MORC1: variants seen among roughly 807,000 people sequenced by gnomAD.
MORC1 encodes MORC family CW-type zinc finger 1.
A neutral mutation model predicts 134.9 loss-of-function variants in MORC1; 59 were observed. The observed-to-expected ratio is 0.44, with a 90% CI of 0.35 to 0.54. MORC1 has a LOEUF of 0.54. MORC1 is among the 20% of genes least tolerant of loss of function. The probability of loss-of-function intolerance (pLI) is 0.00; values close to 1 mark genes in which losing one functional copy is unlikely to be tolerated. For synonymous variants in MORC1, 395 were observed against 391.7 expected, an observed-to-expected ratio of 1.01 and a Z score of -0.10; for missense variants, 947 against 1,134.5, an observed-to-expected ratio of 0.83 and a Z score of 2.37.
chr3:108,998,469 G>T (rs1392582452), intron 21 of MORC1, among the ~76,000 whole-genome samples: 1 of 152,096 alleles, frequency 6.6e-6, no homozygotes, highest in Non-Finnish European at 1.5e-5. Context: ...GGAGTCTTTT[G>T]TGGTAGCTAA....
At chr3:109,082,469 C>T (rs1950541596) in intron 8 of MORC1, among the ~76,000 whole-genome samples, 1 of 151,984 alleles carries the variant, frequency 6.6e-6, no homozygotes, top group Admixed American at 6.6e-5. Flanking sequence ...AGTGAAAAAG[C>T]AATATGTGAG....
At chr3:109,020,721 C>T (rs112726215) in intron 17 of MORC1, among the ~76,000 whole-genome samples, 6 of 148,618 alleles carry the variant, frequency 4.0e-5, no homozygotes, top group African/African-American at 1.5e-4. Context: ...GCCGAGTTTG[C>T]GTCACTGCAC....
chr3:108,963,703 T>G (rs1213370738), intron 26 of MORC1, 95 bp from the exon 27 acceptor site: 4 of 843,418 alleles, frequency 4.7e-6, no homozygotes, highest in African/African-American at 1.7e-5. Flanking sequence ...TCTGCCTACA[T>G]GTACCAAGTG....
At chr3:109,078,280 T>C (rs1950459842) in intron 8 of MORC1, among the ~76,000 whole-genome samples, 2 of 152,060 alleles carry the variant, frequency 1.3e-5, no homozygotes, top group Non-Finnish European at 2.9e-5. Flanking sequence ...AAAAAATGTT[T>C]AAGACATAAG....
intron 8 of MORC1, among the ~76,000 whole-genome samples, chr3:109,080,465 C>T (rs1394039670): frequency 6.6e-6 from 1 of 152,126 alleles, no homozygotes; most frequent in African/African-American, 2.4e-5. Flanking sequence ...CACAGCCAAA[C>T]TATCACCATA....
At chr3:108,978,412 G>T (rs904168718) in intron 24 of MORC1, among the ~76,000 whole-genome samples, 1 of 152,170 alleles carries the variant, frequency 6.6e-6, no homozygotes, top group Non-Finnish European at 1.5e-5. Flanking sequence ...CATGTAACCA[G>T]GAGTGCTTCC....
At chr3:108,991,132 C>A (rs1948048867) in intron 21 of MORC1, among the ~76,000 whole-genome samples, 1 of 152,142 alleles carries the variant, frequency 6.6e-6, no homozygotes, top group Admixed American at 6.5e-5. Context: ...AGGGCCACAG[C>A]AAAGTCACTG....
At chr3:109,005,653 T>C (rs1001073684) in intron 18 of MORC1, among the ~76,000 whole-genome samples, 17 of 152,226 alleles carry the variant, frequency 1.1e-4, no homozygotes, top group African/African-American at 3.9e-4. Context: ...TCGTCATCCC[T>C]ACCCACATTC....
intron 8 of MORC1, among the ~76,000 whole-genome samples, chr3:109,073,917 T>A (rs974834285): frequency 7.2e-5 from 11 of 152,154 alleles, no homozygotes; most frequent in East Asian, 3.8e-4. Context: ...GTAATTTTTT[T>A]AAAAAAGTTA....
rs766507817 is a variant in MORC1 at position 109,114,486 on chromosome 3, C to G, written c.66-49G>C. ...CAAAAAGTTAAACCAGGTGTGTAAT[C>G]AATGTAAAAGCTTTAAGATTCTTGC... On this transcript the variant is annotated intron_variant, in intron 1 of 27. Coordinates refer to ENST00000232603, the MANE Select transcript of MORC1 (RefSeq NM_014429.4). 4 of 1,511,170 alleles carry G rather than the reference C, an allele frequency of 2.6e-6. No individual in the cohort carries two copies. In the South Asian group the frequency reaches 3.5e-5, roughly 13 times the overall value. 93.6% of individuals were successfully genotyped at this position (1,511,170 alleles called of 1,614,324 possible).
At chr3:108,997,009 CAAAAAA>C (rs36087713) in intron 21 of MORC1, among the ~76,000 whole-genome samples, 1 of 31,542 alleles carries the variant, frequency 3.2e-5, no homozygotes, top group Admixed American at 5.6e-4. Context: ...GACTCTGTCT[CAAAAAA>C]AAAAAAAAAA....
chr3:109,063,923 T>C (rs1201731855), intron 9 of MORC1, among the ~76,000 whole-genome samples: 9 of 152,166 alleles, frequency 5.9e-5, no homozygotes, highest in African/African-American at 2.2e-4. Flanking sequence ...CTTTTAAACA[T>C]TGGTTTAAAT....
At chr3:109,038,504 C>A (rs1333555097) in intron 14 of MORC1, among the ~76,000 whole-genome samples, 2 of 151,926 alleles carry the variant, frequency 1.3e-5, no homozygotes, top group African/African-American at 4.8e-5. Flanking sequence ...AGTCATGAAG[C>A]CTTTGTCCAT....
At chr3:109,046,885 A>G (rs547163597) in intron 14 of MORC1, among the ~76,000 whole-genome samples, 12 of 152,280 alleles carry the variant, frequency 7.9e-5, no homozygotes, top group African/African-American at 2.9e-4. Context: ...TAAGTCCCAT[A>G]TACAGTACTT....
chr3:109,098,241 G>A (rs993379280), intron 6 of MORC1, among the ~76,000 whole-genome samples: 1 of 152,054 alleles, frequency 6.6e-6, no homozygotes, highest in African/African-American at 2.4e-5. Context: ...TTAAGAGGTT[G>A]TCTCTGTGGA....
At chr3:109,058,132 A>T (rs1950001362) in intron 12 of MORC1, among the ~76,000 whole-genome samples, 1 of 152,196 alleles carries the variant, frequency 6.6e-6, no homozygotes, top group Admixed American at 6.5e-5. Flanking sequence ...AGGAGTTATG[A>T]TATAAACACC....
chr3:109,003,839 G>A (rs1272430380), intron 20 of MORC1, among the ~76,000 whole-genome samples: 1 of 152,112 alleles, frequency 6.6e-6, no homozygotes, highest in African/African-American at 2.4e-5. Flanking sequence ...TACTTTAAGA[G>A]GATGAGCAGC....
intron 7 of MORC1, among the ~76,000 whole-genome samples, chr3:109,093,874 T>C (rs1319568105): frequency 6.6e-6 from 1 of 152,234 alleles, no homozygotes; most frequent in Non-Finnish European, 1.5e-5. Flanking sequence ...GCTTGTGTTA[T>C]AGGTAAAGCT....
chr3:109,094,847 T>C, intron 7 of MORC1, 62 bp downstream of exon 7: 5 of 1,444,676 alleles, frequency 3.5e-6, no homozygotes, highest in Non-Finnish European at 3.7e-6. Context: ...ATGTACAGTG[T>C]CTTTGATAAG....
Sources: allele counts gnomAD v4.1 joint callset (sites outside exome capture counted in the v4.1 genomes callset), GRCh38; gene constraint gnomAD v4.1.1; transcripts MANE v1.5; gene names NCBI Gene and HGNC (gene_info 2026-07-23, HGNC 2026-07-21).